The following CAMK2D variants were observed in gnomAD, a reference collection of about 807,000 sequenced individuals.
CAMK2D encodes the protein calcium/calmodulin dependent protein kinase II delta.
In CAMK2D, 37 loss-of-function variants were observed where a neutral mutation model predicts 84.0. The ratio of observed to expected loss-of-function variants is 0.44; its 90% CI spans 0.34 to 0.58. The LOEUF (loss-of-function observed/expected upper bound fraction) is 0.58, where lower values mean the gene tolerates loss of function less well. Ranked by LOEUF, CAMK2D falls within the 20% of genes least tolerant of loss-of-function variation. CAMK2D has a pLI of 0.02. For missense variants in CAMK2D, 448 were observed against 652.5 expected (o/e 0.69, Z 3.41); for synonymous variants, 202 against 212.5 (o/e 0.95, Z 0.43).
At chr4:113,529,558 G>A (rs373904747) in intron 8 of CAMK2D, among the ~76,000 whole-genome samples, 29 of 152,106 alleles carry the variant, frequency 1.9e-4, no homozygotes, top group African/African-American at 6.5e-4. Context: ...TGATTATGTT[G>A]ATAATCTTAG....
chr4:113,570,528 C>A, intron 4 of CAMK2D, among the ~76,000 whole-genome samples: 1 of 152,030 alleles, frequency 6.6e-6, no homozygotes, highest in Admixed American at 6.5e-5. Context: ...AACAAAGATG[C>A]CAAGAATACA....
intron 6 of CAMK2D, among the ~76,000 whole-genome samples, chr4:113,545,794 T>G (rs1229879821): frequency 6.6e-6 from 1 of 152,186 alleles, no homozygotes; most frequent in East Asian, 1.9e-4. Context: ...TTTCTGTCCT[T>G]TCCCAGAATC....
At chr4:113,465,449 T>C (rs2097446821) in intron 17 of CAMK2D, 80 bp downstream of exon 17, 1 of 811,332 alleles carries the variant, frequency 1.2e-6, no homozygotes, top group Admixed American at 2.2e-5. Flanking sequence ...ATATGTGAAT[T>C]CAGACATGTT....
intron 17 of CAMK2D, 38 bp from the exon 18 acceptor site, chr4:113,460,279 GT>G (rs748039833): frequency 1.9e-6 from 2 of 1,044,758 alleles, no homozygotes; most frequent in South Asian, 1.3e-5. Flanking sequence ...CAATTAATAG[GT>G]GCTTTAATGT....
intron 4 of CAMK2D, among the ~76,000 whole-genome samples, chr4:113,567,014 A>C (rs2098728068): frequency 6.6e-6 from 1 of 152,132 alleles, no homozygotes; most frequent in Non-Finnish European, 1.5e-5. Flanking sequence ...GCAGGCATGC[A>C]ATAAACGTCT....
At chr4:113,682,213 C>A (rs1000990855) in intron 2 of CAMK2D, among the ~76,000 whole-genome samples, 1 of 152,066 alleles carries the variant, frequency 6.6e-6, no homozygotes, top group African/African-American at 2.4e-5. Context: ...AGAGGAAGAG[C>A]AATCTTCAGT....
intron 13 of CAMK2D, among the ~76,000 whole-genome samples, chr4:113,507,433 GTTTGT>G (rs1407669232): frequency 8.4e-6 from 1 of 119,212 alleles, no homozygotes; most frequent in Non-Finnish European, 1.9e-5. Context: ...TTTTTTGTTT[GTTTGT>G]TTTTTTTTTT....
chr4:113,687,711 GA>G (rs2099364069), intron 2 of CAMK2D, among the ~76,000 whole-genome samples: 1 of 152,188 alleles, frequency 6.6e-6, no homozygotes, highest in South Asian at 2.1e-4. Context: ...ACCACCAGTT[GA>G]AAATGGGGAG....
chr4:113,753,910 T>C, intron 2 of CAMK2D: 2 of 984,520 alleles, frequency 2.0e-6, no homozygotes, highest in Non-Finnish European at 2.4e-6. Flanking sequence ...CTTGTCCTCC[T>C]TTAAGAGCCC....
chr4:113,735,464 G>A (rs1042537787), intron 2 of CAMK2D, among the ~76,000 whole-genome samples: 1 of 124,112 alleles, frequency 8.1e-6, no homozygotes, highest in Admixed American at 7.1e-5. Flanking sequence ...GACAGAGTGA[G>A]ACCGTCTCAA....
chr4:113,533,287 C>G (rs1471706651), intron 7 of CAMK2D, among the ~76,000 whole-genome samples: 1 of 152,100 alleles, frequency 6.6e-6, no homozygotes, highest in African/African-American at 2.4e-5. Context: ...AAGCATATAT[C>G]TAAATGCATG....
intron 4 of CAMK2D, among the ~76,000 whole-genome samples, chr4:113,606,094 C>A (rs2098975706): frequency 6.6e-6 from 1 of 151,686 alleles, no homozygotes; most frequent in Non-Finnish European, 1.5e-5. Flanking sequence ...AACAAACAAA[C>A]AAAAGGGAAT....
chr4:113,497,740 G>C (rs1279290044), intron 16 of CAMK2D, among the ~76,000 whole-genome samples: 1 of 152,164 alleles, frequency 6.6e-6, no homozygotes, highest in African/African-American at 2.4e-5. Context: ...GCACTGCCTT[G>C]GTATGGGAGG....
At chr4:113,717,816 T>C (rs1430345538) in intron 2 of CAMK2D, among the ~76,000 whole-genome samples, 1 of 152,114 alleles carries the variant, frequency 6.6e-6, no homozygotes, top group Non-Finnish European at 1.5e-5. Context: ...TATAACTATA[T>C]TAAAGTTAGA....
intron 3 of CAMK2D, among the ~76,000 whole-genome samples, chr4:113,637,731 T>C (rs1330031524): frequency 1.3e-5 from 2 of 152,184 alleles, no homozygotes; most frequent in East Asian, 1.9e-4. Context: ...TAGGAAGATA[T>C]AATCTGAACT....
chr4:113,587,736 C>G (rs960406088), intron 4 of CAMK2D, among the ~76,000 whole-genome samples: 18 of 152,152 alleles, frequency 1.2e-4, no homozygotes, highest in Non-Finnish European at 2.5e-4. Flanking sequence ...TTTCCAAACT[C>G]TGGGCCTAAA....
intron 3 of CAMK2D, among the ~76,000 whole-genome samples, chr4:113,619,939 T>C (rs114760060): frequency 4.2e-4 from 64 of 152,238 alleles, no homozygotes; most frequent in Non-Finnish European, 4.9e-4. Context: ...GCATAATCTA[T>C]GTGGCTAAGT....
At chr4:113,514,387 T>C (rs2098258327) in intron 10 of CAMK2D, among the ~76,000 whole-genome samples, 1 of 152,154 alleles carries the variant, frequency 6.6e-6, no homozygotes, top group Admixed American at 6.5e-5. Flanking sequence ...CACTCCAGCC[T>C]GGGTGACAAG....
intron 4 of CAMK2D, among the ~76,000 whole-genome samples, chr4:113,566,552 A>G (rs1046546685): frequency 6.6e-6 from 1 of 152,192 alleles, no homozygotes; most frequent in Non-Finnish European, 1.5e-5. Context: ...AACACACAGC[A>G]TAATATCTAA....
Sources: gnomAD v4.1 joint callset for allele counts (sites outside exome capture counted in the v4.1 genomes callset) on GRCh38, gnomAD v4.1.1 for gene constraint, MANE v1.5 for transcripts, NCBI Gene and HGNC (gene_info 2026-07-23, HGNC 2026-07-21) for gene names.